NAE1: variants seen among roughly 807,000 people sequenced by gnomAD.
The protein encoded by NAE1 is NEDD8-activating enzyme E1 regulatory subunit.
A neutral mutation model predicts 88.0 loss-of-function variants in NAE1; 59 were observed. The observed-to-expected ratio is 0.67, with a 90% CI of 0.54 to 0.83. The LOEUF is 0.83. NAE1 is among the 40% of genes least tolerant of loss of function. The pLI is 0.00. For missense variants in NAE1, 554 were observed against 632.8 expected, an observed-to-expected ratio of 0.88 and a Z score of 1.34; for synonymous variants, 186 against 208.9, an observed-to-expected ratio of 0.89 and a Z score of 0.95.
intron 6 of NAE1, 142 bp from the exon 7 acceptor site, chr16:66,821,701 G>T: frequency 3.1e-6 from 2 of 639,276 alleles, no homozygotes; most frequent in Non-Finnish European, 4.8e-6. Flanking sequence ...ATTTACATAA[G>T]CAGGTCAAGA....
chr16:66,826,686 C>A lies in NAE1; in HGVS notation c.148G>T (p.Val50Leu), dbSNP rs1960476192. 6.2e-7 allele frequency: 1 copy of A among 1,613,974 alleles called. No homozygotes were observed. Among genetic ancestry groups the A allele is most frequent in the Non-Finnish European group, 8.5e-7 (1 of 1,179,970 alleles). ...CACAAACCTACGTTACCTGGTAGTACCAAGTTTTTAAGAATTTCAGTTCCT... is the reference window on the plus strand; with the variant it reads ...CACAAACCTACGTTACCTGGTAGTAACAAGTTTTTAAGAATTTCAGTTCCT... The part of the protein sequence containing the change: ...ATGTEILKNL[V>L]LPGIGSFTII... Residue 50 changes from valine (V) to leucine (L), a missense_variant, in exon 2 of 20, where the codon GTA becomes TTA. Transcript: ENST00000290810.
rs561449037 is a variant in NAE1, at chr16:66,829,856, G to C, written c.53+991C>G. Among the ~76,000 whole-genome samples, 24 of 152,296 alleles carry C rather than the reference G, an allele frequency of 1.6e-4. 2 individuals are homozygous for C. The South Asian group carries it at 4.1e-3, about 26-fold the overall frequency. On this transcript the variant is annotated intron_variant, in intron 1 of 19. Transcript: ENST00000290810. ...AGGCTAGTGTTAACTGAGATGTGCTGGTAAGTGTAAAATACAATATTTATA... is the reference window on the plus strand; with the variant it reads ...AGGCTAGTGTTAACTGAGATGTGCTCGTAAGTGTAAAATACAATATTTATA...
chr16:66,824,400 G>A (rs760677639), intron 4 of NAE1: 3 of 152,970 alleles, frequency 2.0e-5, no homozygotes, highest in Non-Finnish European at 4.4e-5. Flanking sequence ...AGACCATCCT[G>A]GCTAACACGG....
intron 10 of NAE1, 121 bp downstream of exon 10, chr16:66,816,844 G>A: frequency 6.8e-7 from 1 of 1,469,174 alleles, no homozygotes; most frequent in East Asian, 2.3e-5. Context: ...TTCTCCAGAA[G>A]GAAAATAAAA....
At chr16:66,827,643 C>G (rs1960520717) in intron 1 of NAE1, 1 of 250,148 alleles carries the variant, frequency 4.0e-6, no homozygotes, top group Non-Finnish European at 7.7e-6. Flanking sequence ...GGGCTTATTA[C>G]TGTGACTTCT....
At position 66,830,900 on chromosome 16, in the gene NAE1, G is replaced by GGCCGCGCCT; in HGVS notation, c.-10_-2dup. 1 of 1,534,868 alleles carries GGCCGCGCCT rather than the reference G, an allele frequency of 6.5e-7. No individual in the cohort carries two copies. The highest frequency in any genetic ancestry group is 8.7e-7 in the Non-Finnish European group (1 of 1,149,814). On this transcript the variant is annotated 5_prime_UTR_variant, in exon 1 of 20. Coordinates refer to ENST00000290810, the MANE Select transcript of NAE1 (RefSeq NM_003905.4). ...TGAGCAGCTTTCCCAGCTGCGCCAT[G>GGCCGCGCCT]GCCGCGCCTGCCGCGCGGAAAACAG...
intron 17 of NAE1, among the ~76,000 whole-genome samples, chr16:66,807,592 A>C (rs993898654): frequency 3.3e-5 from 5 of 151,946 alleles, no homozygotes; most frequent in Non-Finnish European, 7.4e-5. Context: ...GTGAGCTGAG[A>C]TCACGCCACT....
chr16:66,821,255 G>A (rs1960246054), intron 7 of NAE1, among the ~76,000 whole-genome samples, 195 bp downstream of exon 7: 2 of 152,202 alleles, frequency 1.3e-5, no homozygotes, highest in South Asian at 4.1e-4. Context: ...GGTATATCAT[G>A]CTTTGTATCC....
intron 1 of NAE1, among the ~76,000 whole-genome samples, chr16:66,829,669 C>CAGAAT (rs1960613118): frequency 6.6e-6 from 1 of 152,142 alleles, no homozygotes; most frequent in Non-Finnish European, 1.5e-5. Flanking sequence ...TTTGTTATCT[C>CAGAAT]CACAGCCTCA....
chr16:66,803,077 ATTGT>A lies in NAE1; in HGVS notation c.1533_1536del (p.Lys511AsnfsTer3), dbSNP rs1383367550. On this transcript the variant is annotated frameshift_variant, in exon 20 of 20. Transcript: ENST00000290810. LOFTEE classifies it high-confidence loss of function. ...ATGTAAGTATTATTAAAAATTACAA[ATTGT>A]TTGGTGATTATTTTGATGACCTCTT... The A allele has an allele frequency of 6.2e-6, 10 of 1,612,498 alleles. No individual in the cohort carries two copies. The highest frequency in any genetic ancestry group is 2.2e-5 in the East Asian group (1 of 44,830).
intron 19 of NAE1, 134 bp downstream of exon 19, chr16:66,805,643 A>G (rs1460791763): frequency 3.7e-6 from 3 of 811,646 alleles, no homozygotes; most frequent in Non-Finnish European, 5.1e-6. Context: ...GTCTCAAAAA[A>G]AAAAAAAAGA....
At chr16:66,807,698 A>T (rs1347568338) in intron 17 of NAE1, among the ~76,000 whole-genome samples, 1 of 152,142 alleles carries the variant, frequency 6.6e-6, no homozygotes, top group Non-Finnish European at 1.5e-5. Context: ...ATGGAGCAGC[A>T]GGTTTTATGA....
At chr16:66,828,990 GA>G (rs66509263) in intron 1 of NAE1, among the ~76,000 whole-genome samples, 26,896 of 124,538 alleles carry the variant, frequency 0.22, 4,770 homozygotes, top group African/African-American at 0.51. Context: ...CCTTGTCCCT[GA>G]AAAAAAAAAA....
chr16:66,814,681 G>A (rs1959969912), intron 11 of NAE1, among the ~76,000 whole-genome samples: 1 of 151,536 alleles, frequency 6.6e-6, no homozygotes, highest in South Asian at 2.1e-4. Flanking sequence ...TGTCTCAGTG[G>A]GACCTCCTAA....
chr16:66,824,017 G>A (rs531825803), intron 4 of NAE1, among the ~76,000 whole-genome samples: 38 of 152,286 alleles, frequency 2.5e-4, no homozygotes, highest in South Asian at 1.0e-3. Context: ...GATTACAGGC[G>A]TGAGCCACTG....
rs1960472768 is a variant in NAE1 at position 66,826,586 on chromosome 16, G to A, written c.158-3C>T. 2 of 1,614,128 alleles carry A rather than the reference G, an allele frequency of 1.2e-6. No individual in the cohort carries two copies. The highest frequency in any genetic ancestry group is 1.1e-5 in the South Asian group (1 of 91,078). The stretch of plus-strand genomic sequence containing the variant: ...AATAATTGTAAACGAACCAATACCT[G>A]AGAGCCAAAACAGAGTCAGTCAGGA... On this transcript the variant is annotated splice_region_variant and splice_polypyrimidine_tract_variant and intron_variant, in intron 2 of 19. Coordinates refer to ENST00000290810, the MANE Select transcript of NAE1 (RefSeq NM_003905.4).
chr16:66,822,753 T>C (rs1960320689), intron 6 of NAE1, among the ~76,000 whole-genome samples: 1 of 148,738 alleles, frequency 6.7e-6, no homozygotes, highest in Non-Finnish European at 1.5e-5. Context: ...CACTGCAACC[T>C]CCACCTCCCT....
At chr16:66,821,305 A>C (rs1960248680) in intron 7 of NAE1, 145 bp downstream of exon 7, 1 of 1,038,798 alleles carries the variant, frequency 9.6e-7, no homozygotes, top group Non-Finnish European at 1.3e-6. Flanking sequence ...CAGCCTATTG[A>C]ATCTGATTGC....
At chr16:66,823,365 A>G (rs531716195) in intron 5 of NAE1, 59 bp from the exon 6 acceptor site, 2 of 1,421,402 alleles carry the variant, frequency 1.4e-6, no homozygotes, top group East Asian at 4.6e-5. Context: ...AATCATATTA[A>G]ACATGGCAGA....
Sources: gnomAD v4.1 joint callset for allele counts (sites outside exome capture counted in the v4.1 genomes callset) on GRCh38, gnomAD v4.1.1 for gene constraint, MANE v1.5 for transcripts, NCBI Gene and HGNC (gene_info 2026-07-23, HGNC 2026-07-21) for gene names.